ZNF263: variants seen among roughly 807,000 people sequenced by gnomAD.
The protein encoded by ZNF263 is zinc finger protein 263.
A neutral mutation model predicts 63.1 loss-of-function variants in ZNF263; 49 were observed. The ratio of observed to expected loss-of-function variants is 0.78; its 90% confidence interval spans 0.62 to 0.99. ZNF263 has a LOEUF of 0.99. ZNF263 is among the 50% of genes least tolerant of loss of function. The pLI is 0.00. For missense variants in ZNF263, 872 were observed against 854.8 expected (o/e 1.02, Z -0.25); for synonymous variants, 352 against 324.2 (o/e 1.09, Z -0.92).
At chr16:3,287,853 G>T (rs920040000) in intron 4 of ZNF263, among the ~76,000 whole-genome samples, 2 of 151,524 alleles carry the variant, frequency 1.3e-5, no homozygotes, top group Non-Finnish European at 2.9e-5. Flanking sequence ...ATATTAAATG[G>T]ATTATTCAAG....
At position 3,283,778 on chromosome 16, in the gene ZNF263, G is replaced by C; in HGVS notation, c.-41G>C. ...GGGTTCAGGGCGCCTTCGTAGGCGG[G>C]CACGGCTGGTTTCGGGCTAAGGCGC... On this transcript the variant is annotated 5_prime_UTR_variant, in exon 1 of 6. Coordinates refer to ENST00000219069, the MANE Select transcript of ZNF263 (RefSeq NM_005741.5). 1 of 1,501,192 alleles carries C rather than the reference G, an allele frequency of 6.7e-7. No homozygotes were observed. The highest frequency in any genetic ancestry group is 1.3e-5 in the South Asian group (1 of 76,430). 93.0% of individuals were successfully genotyped at this position (1,501,192 alleles called of 1,614,324 possible).
At chr16:3,297,975 G>C (rs1475842134) in intron 1 of ZNF263, among the ~76,000 whole-genome samples, 1 of 152,176 alleles carries the variant, frequency 6.6e-6, no homozygotes, top group Non-Finnish European at 1.5e-5. Context: ...TGGTGCATTG[G>C]GAGAAGTACT....
At chr16:3,293,298 T>A (rs1596374929), downstream of ZNF263, 1 of 152,252 alleles carries the variant, frequency 6.6e-6, no homozygotes, top group Non-Finnish European at 1.5e-5. Context: ...TGCCACCTTG[T>A]GAAGAAGGTA....
At chr16:3,295,972 A>G (rs569723639), downstream of ZNF263, among the ~76,000 whole-genome samples, 5 of 152,322 alleles carry the variant, frequency 3.3e-5, no homozygotes, top group East Asian at 9.7e-4. Flanking sequence ...GCAACGGTCC[A>G]GGGACCTTGC....
At chr16:3,286,822 C>A (rs1959376709) in intron 4 of ZNF263, 1 of 152,110 alleles carries the variant, frequency 6.6e-6, no homozygotes, top group African/African-American at 2.4e-5. Flanking sequence ...TGTACAATTC[C>A]CTCAACTTTT....
At position 3,290,643 on chromosome 16, in the gene ZNF263, G is replaced by A. The variant is rs1054585774; in HGVS notation, c.*85G>A. 1.6e-5 allele frequency: 24 copies of A among 1,493,538 alleles called. No homozygotes were observed. The highest frequency in any genetic ancestry group is 4.2e-5 in the African/African-American group (3 of 71,448). The allele number at this position is 1,493,538 out of a possible 1,614,324, so 92.5% of individuals were successfully genotyped here. On this transcript the variant is annotated 3_prime_UTR_variant, in exon 6 of 6. Coordinates refer to ENST00000219069, the MANE Select transcript of ZNF263 (RefSeq NM_005741.5). Reference sequence around the variant, plus strand: ...AAGAGCTGGTATTCCCTGCCCAGCCGACCAAATGACCTCTGCATTCTTCAG... The same window carrying A: ...AAGAGCTGGTATTCCCTGCCCAGCCAACCAAATGACCTCTGCATTCTTCAG...
chr16:3,300,137 G>A lies in ZNF263; in HGVS notation c.*47-776G>A, dbSNP rs138613325. The A allele has an allele frequency of 7.2e-5, 116 of 1,614,230 alleles. No homozygotes were observed. In the African/African-American group the frequency reaches 1.4e-3, roughly 20 times the overall value. ...TTCTCCTCTTTGATTATCATGGACA[G>A]TTTTTGTCGAAATGGCTCAACATTT... is the stretch of plus-strand genomic sequence containing the variant. On this transcript the variant is annotated intron_variant, in intron 2 of 2. Transcript: ENST00000574674.
chr16:3,284,094 C>T lies in ZNF263; in HGVS notation c.276C>T (p.Ile92=), dbSNP rs766233567. The part of the protein sequence containing the change: ...ELLVLEQFLT[I]LPQEIQSRVQ... Reference sequence around the variant, plus strand: ...TGGTGTTAGAGCAGTTCCTGACCATCCTGCCCCAGGAGATCCAGAGCAGGG... The same window carrying T: ...TGGTGTTAGAGCAGTTCCTGACCATTCTGCCCCAGGAGATCCAGAGCAGGG... Residue 92 remains isoleucine (I), a synonymous_variant, in exon 1 of 6, where the codon ATC becomes ATT. Transcript: ENST00000219069. The T allele has an allele frequency of 1.2e-6, 2 of 1,613,326 alleles. No individual in the cohort carries two copies. The highest frequency in any genetic ancestry group is 2.2e-5 in the South Asian group (2 of 91,026).
Position 3,290,232 on chromosome 16 carries a change from G to C in ZNF263, c.1726G>C (p.Glu576Gln). ...CCATAAGGCAGAGAAGAAGCTCTTT[G>C]AATGTTTGACTTGTGGGAAAAGCTT... ...GAHKAEKKLFECLTCGKSFRQ... is the reference protein window; with the variant it reads ...GAHKAEKKLFQCLTCGKSFRQ... The change falls in exon 6 of 6, where the codon GAA (glutamate) becomes CAA (glutamine). Residue 576 changes from glutamate to glutamine, a missense_variant. Glu to Gln is a conservative substitution (Grantham distance 29, BLOSUM62 2). Transcript: ENST00000219069. 9 of 1,614,198 alleles carry C rather than the reference G, an allele frequency of 5.6e-6. No homozygotes were observed. The highest frequency in any genetic ancestry group is 7.6e-6 in the Non-Finnish European group (9 of 1,180,036).
Position 3,285,241 on chromosome 16 carries a change from TGAGGCACA to T in ZNF263, c.568+4_568+11del. ...ACCCCCAGGCTGTAAAGGAGAGGGG[TGAGGCACA>T]GTTATCTGGGCAGGTGGGAGGGAGG... On this transcript the variant is annotated splice_donor_5th_base_variant and intron_variant, in intron 2 of 5. Coordinates refer to ENST00000219069, the MANE Select transcript of ZNF263 (RefSeq NM_005741.5). 6.2e-7 allele frequency: 1 copy of T among 1,608,412 alleles called. No individual in the cohort carries two copies. Among genetic ancestry groups the T allele is most frequent in the Non-Finnish European group, 8.5e-7 (1 of 1,176,930 alleles).
intron 1 of ZNF263, among the ~76,000 whole-genome samples, chr16:3,297,526 G>GC (rs1959790544): frequency 1.5e-5 from 2 of 137,696 alleles, no homozygotes; most frequent in Admixed American, 1.6e-4. Context: ...GTGCAGTGGC[G>GC]CGATCTCGGC....
At chr16:3,296,896 G>A (rs969368957) in intron 1 of ZNF263, among the ~76,000 whole-genome samples, 2 of 152,140 alleles carry the variant, frequency 1.3e-5, no homozygotes, top group Admixed American at 6.5e-5. Context: ...GAATAAATTC[G>A]CAGAGGGAGT....
chr16:3,284,041 C>G lies in ZNF263; in HGVS notation c.223C>G (p.Arg75Gly). 6.2e-7 allele frequency: 1 copy of G among 1,613,620 alleles called. No homozygotes were observed. The change falls in exon 1 of 6, where the codon CGC (arginine) becomes GGC (glycine). Residue 75 changes from arginine to glycine, a missense_variant. Transcript: ENST00000219069. ...LCHGWLRPEM[R>G]TKEQILELLV... ...CCATGGGTGGCTTCGGCCTGAGATGCGCACGAAGGAGCAGATCTTGGAGCT... is the reference window on the plus strand; with the variant it reads ...CCATGGGTGGCTTCGGCCTGAGATGGGCACGAAGGAGCAGATCTTGGAGCT...
chr16:3,298,147 A>C (rs546084896), intron 1 of ZNF263, among the ~76,000 whole-genome samples: 1 of 152,354 alleles, frequency 6.6e-6, no homozygotes, highest in Admixed American at 6.5e-5. Context: ...TAATGACCTA[A>C]GGGAAACTCT....
Position 3,283,746 on chromosome 16 carries a change from C to G in ZNF263, c.-73C>G. 3.4e-6 allele frequency: 5 copies of G among 1,458,970 alleles called. No individual in the cohort carries two copies. The highest frequency in any genetic ancestry group is 2.4e-5 in the East Asian group (1 of 41,032). 90.4% of individuals were successfully genotyped at this position (1,458,970 alleles called of 1,614,324 possible). Reference sequence around the variant, plus strand: ...CGGGCTCCTGCTGGCGCCGTCCAACCTTACATGGGTTCAGGGCGCCTTCGT... The same window carrying G: ...CGGGCTCCTGCTGGCGCCGTCCAACGTTACATGGGTTCAGGGCGCCTTCGT... On this transcript the variant is annotated 5_prime_UTR_variant, in exon 1 of 6. Coordinates refer to ENST00000219069, the MANE Select transcript of ZNF263 (RefSeq NM_005741.5).
rs752325776 is a variant in ZNF263 at position 3,288,438 on chromosome 16, C to T, written c.770-16C>T. ...AAAGTGGCAGTACAGAAATCTGTTTCTTTCATTGTGAACAGAGTCTCACAT... is the reference window on the plus strand; with the variant it reads ...AAAGTGGCAGTACAGAAATCTGTTTTTTTCATTGTGAACAGAGTCTCACAT... On this transcript the variant is annotated splice_polypyrimidine_tract_variant and intron_variant, in intron 4 of 5. Transcript: ENST00000219069. 7 of 1,591,082 alleles carry T rather than the reference C, an allele frequency of 4.4e-6. No individual in the cohort carries two copies. The highest frequency in any genetic ancestry group is 4.0e-5 in the African/African-American group (3 of 74,344).
In ZNF263 at chr16:3,288,795, G is replaced by A. The variant is rs139705204; in HGVS notation, c.886+225G>A. ...CGAGTAGCTGGGATTACAGGCATGCGCCACCACGCCCAGCTAATTTTTTGT... is the reference window on the plus strand; with the variant it reads ...CGAGTAGCTGGGATTACAGGCATGCACCACCACGCCCAGCTAATTTTTTGT... On this transcript the variant is annotated intron_variant, in intron 5 of 5. Transcript: ENST00000219069. 4.6e-3 allele frequency among the ~76,000 whole-genome samples: 705 copies of A among 152,146 alleles called. 6 individuals carry two copies. Among genetic ancestry groups the A allele is most frequent in the African/African-American group, 0.016 (670 of 41,502 alleles).
At chr16:3,300,136 A>G in intron 2 of ZNF263, 2 of 1,614,254 alleles carry the variant, frequency 1.2e-6, no homozygotes, top group African/African-American at 2.7e-5. Flanking sequence ...TATCATGGAC[A>G]GTTTTTGTCG....
At chr16:3,293,908 G>C (rs1410820440), downstream of ZNF263, among the ~76,000 whole-genome samples, 1 of 152,188 alleles carries the variant, frequency 6.6e-6, no homozygotes, top group Non-Finnish European at 1.5e-5. Context: ...GAAATTTCAG[G>C]TTTTAGGCTC....
Sources: gnomAD v4.1 joint callset for allele counts (sites outside exome capture counted in the v4.1 genomes callset) on GRCh38, gnomAD v4.1.1 for gene constraint, MANE v1.5 for transcripts, NCBI Gene and HGNC (gene_info 2026-07-23, HGNC 2026-07-21) for gene names.